TSHZ1: variants seen among roughly 807,000 people sequenced by gnomAD.
TSHZ1 encodes teashirt homolog 1.
A neutral mutation model predicts 67.1 loss-of-function variants in TSHZ1; 12 were observed. That is an observed-to-expected ratio of 0.18 (90% CI 0.11 to 0.29). The LOEUF (loss-of-function observed/expected upper bound fraction) is 0.29. Ranked by LOEUF, TSHZ1 falls within the 10% of genes least tolerant of loss-of-function variation. The pLI is 1.00. For synonymous variants in TSHZ1, 632 were observed against 622.4 expected, an observed-to-expected ratio of 1.02 and a Z score of -0.23; for missense variants, 1,305 against 1,413.9, an observed-to-expected ratio of 0.92 and a Z score of 1.23.
chr18:75,224,831 T>C (rs1490084579), intron 1 of TSHZ1, among the ~76,000 whole-genome samples: 1 of 152,154 alleles, frequency 6.6e-6, no homozygotes, highest in African/African-American at 2.4e-5. Flanking sequence ...TTTTCCCTGT[T>C]CTTTCTCAAG....
At chr18:75,237,441 G>C (rs2023088083) in intron 1 of TSHZ1, among the ~76,000 whole-genome samples, 1 of 152,116 alleles carries the variant, frequency 6.6e-6, no homozygotes, top group African/African-American at 2.4e-5. Flanking sequence ...AGGATCACTT[G>C]AGCCCATAAA....
At chr18:75,256,808 C>T (rs2023366582) in intron 1 of TSHZ1, among the ~76,000 whole-genome samples, 2 of 152,330 alleles carry the variant, frequency 1.3e-5, no homozygotes, top group South Asian at 4.1e-4. Flanking sequence ...GATACCAAAA[C>T]ATCTCGATGA....
chr18:75,221,451 G>A (rs1481785216), intron 1 of TSHZ1, among the ~76,000 whole-genome samples: 1 of 152,186 alleles, frequency 6.6e-6, no homozygotes, highest in African/African-American at 2.4e-5. Flanking sequence ...ATTTTTAAAA[G>A]CCAGCTGCAA....
At chr18:75,212,631 A>G (rs1219808970) in intron 1 of TSHZ1, among the ~76,000 whole-genome samples, 6 of 152,172 alleles carry the variant, frequency 3.9e-5, no homozygotes, top group African/African-American at 1.4e-4. Context: ...TTCCTGATAA[A>G]CATCAATAAA....
rs1042645109 is a variant in TSHZ1, at chr18:75,287,535, G to A, written c.2128G>A (p.Val710Ile). ...GKAKKEGPLD[V>I]HTPNGTEPLK... ...GGCCAAAAAGGAGGGACCGCTGGAC[G>A]TTCACACCCCAAATGGCACAGAGCC... The change falls in exon 2 of 2, where the codon GTT becomes ATT. Residue 710 changes from valine (V) to isoleucine (I), a missense_variant. Val to Ile is a conservative substitution (Grantham distance 29). Coordinates refer to ENST00000580243, the MANE Select transcript of TSHZ1 (RefSeq NM_001308210.2). This position sits in a 1 kb window ranked among gnomAD's most constrained non-coding sequence, Gnocchi z 5.0. 2.5e-5 allele frequency: 40 copies of A among 1,614,104 alleles called. No homozygotes were observed. The highest frequency in any genetic ancestry group is 6.7e-5 in the East Asian group (3 of 44,896).
At position 75,288,127 on chromosome 18, in the gene TSHZ1, G is replaced by C; in HGVS notation, c.2720G>C (p.Ser907Thr). The C allele has an allele frequency of 6.2e-7, 1 of 1,613,904 alleles. No homozygotes were observed. The highest frequency in any genetic ancestry group is 8.5e-7 in the Non-Finnish European group (1 of 1,180,038). ...LLILQAQFASSLRETTEGKYI... is the reference protein window; with the variant it reads ...LLILQAQFASTLRETTEGKYI... ...ATCCTGCAGGCCCAGTTCGCCTCGAGCTTGCGGGAGACCACAGAGGGCAAG... is the reference window on the plus strand; with the variant it reads ...ATCCTGCAGGCCCAGTTCGCCTCGACCTTGCGGGAGACCACAGAGGGCAAG... Residue 907 changes from serine (S) to threonine (T), a missense_variant, in exon 2 of 2, where the codon AGC becomes ACC. By Grantham distance (58) the Ser-to-Thr change is moderately conservative. This residue lies in a region of TSHZ1 where 909 missense variants were observed against 961.8 expected (regional missense o/e 0.95). Transcript: ENST00000580243. This position sits in a 1 kb window ranked among gnomAD's most constrained non-coding sequence, Gnocchi z 4.9.
At position 75,241,868 on chromosome 18, in the gene TSHZ1, C is replaced by T. The variant is rs567955564; in HGVS notation, c.40+29952C>T. Among the ~76,000 whole-genome samples, 205 of 149,376 alleles carry T rather than the reference C, an allele frequency of 1.4e-3. 1 individual carries two copies. The highest frequency in any genetic ancestry group is 4.6e-3 in the African/African-American group (186 of 40,280). On this transcript the variant is annotated intron_variant, in intron 1 of 1. Transcript: ENST00000580243. ...TGTCCTTGGCTTGTGGTGCATCACA[C>T]CAGTCTCTGCCTTCTCCGTGTGTCC...
intron 1 of TSHZ1, among the ~76,000 whole-genome samples, chr18:75,256,503 C>T (rs1310049746): frequency 6.6e-6 from 1 of 152,150 alleles, no homozygotes; most frequent in African/African-American, 2.4e-5. Context: ...TGGATAGTTC[C>T]ACCTTCTCCT....
chr18:75,233,810 C>T (rs1181337543), intron 1 of TSHZ1, among the ~76,000 whole-genome samples: 4 of 152,170 alleles, frequency 2.6e-5, no homozygotes, highest in African/African-American at 4.8e-5. Context: ...CCTTGCAGCA[C>T]CTTTTTTCTA....
At chr18:75,274,649 G>A (rs2023595866) in intron 1 of TSHZ1, among the ~76,000 whole-genome samples, 1 of 152,108 alleles carries the variant, frequency 6.6e-6, no homozygotes, top group South Asian at 2.1e-4. Flanking sequence ...TGAAAACAAA[G>A]GATTGTCACA....
Position 75,286,938 on chromosome 18 carries a change from G to A in TSHZ1, c.1531G>A (p.Gly511Ser). The change falls in exon 2 of 2, where the codon GGC becomes AGC. Residue 511 changes from glycine to serine, a missense_variant. Around this residue, in one of 3 missense-constraint regions of TSHZ1, gnomAD observed 909 missense variants for 961.8 expected, o/e 0.95. Transcript: ENST00000580243. This position sits in a 1 kb window ranked among gnomAD's most constrained non-coding sequence, Gnocchi z 5.1. ...EPEKEKPPVA[G>S]DAEKIKEESE... ...AGAGAAGGAGAAGCCGCCTGTGGCT[G>A]GCGACGCGGAGAAGATCAAGGAGGA... 1 of 1,614,162 alleles carries A rather than the reference G, an allele frequency of 6.2e-7. No individual in the cohort carries two copies. Among genetic ancestry groups the A allele is most frequent in the Non-Finnish European group, 8.5e-7 (1 of 1,180,020 alleles).
At chr18:75,217,338 A>G (rs569966155) in intron 1 of TSHZ1, among the ~76,000 whole-genome samples, 42 of 152,202 alleles carry the variant, frequency 2.8e-4, no homozygotes, top group Non-Finnish European at 5.1e-4. Flanking sequence ...GGGATTCTGA[A>G]TCGAATAATA....
intron 1 of TSHZ1, among the ~76,000 whole-genome samples, chr18:75,256,422 A>G (rs962858983): frequency 2.6e-5 from 4 of 152,212 alleles, no homozygotes; most frequent in Admixed American, 6.5e-5. Context: ...AGGGGTGTGT[A>G]TAGTTATTCT....
Position 75,281,831 on chromosome 18 carries a change from C to T in TSHZ1, c.41-3617C>T, listed in dbSNP as rs1703997035. Among the ~76,000 whole-genome samples the T allele has an allele frequency of 1.3e-5, 2 of 152,182 alleles. No individual in the cohort carries two copies. Among genetic ancestry groups the T allele is most frequent in the African/African-American group, 4.8e-5 (2 of 41,518 alleles). On this transcript the variant is annotated intron_variant, in intron 1 of 1. Transcript: ENST00000580243. This position sits in a 1 kb window ranked among gnomAD's most constrained non-coding sequence, Gnocchi z 5.3. Reference sequence around the variant, plus strand: ...GGAAGGGGGGCATGCTAGGTGCGGGCAGGGAGAGCCCGAACCTGTGGGGGC... The same window carrying T: ...GGAAGGGGGGCATGCTAGGTGCGGGTAGGGAGAGCCCGAACCTGTGGGGGC...
At chr18:75,273,933 ACACT>A (rs1165444947) in intron 1 of TSHZ1, among the ~76,000 whole-genome samples, 10 of 152,198 alleles carry the variant, frequency 6.6e-5, no homozygotes, top group Admixed American at 2.0e-4. Flanking sequence ...TCACCTGCAC[ACACT>A]CACACCTGTG....
At chr18:75,278,795 CTATTATTATTTG>C (rs890591212) in intron 1 of TSHZ1, among the ~76,000 whole-genome samples, 1 of 152,038 alleles carries the variant, frequency 6.6e-6, no homozygotes, top group African/African-American at 2.4e-5. Context: ...GCTCCAGTTA[CTATTATTATTTG>C]TATTATTATT....
intron 1 of TSHZ1, among the ~76,000 whole-genome samples, chr18:75,251,493 GTT>G (rs3067027): frequency 0.016 from 2,226 of 139,414 alleles, 58 homozygotes; most frequent in African/African-American, 0.054. Context: ...TTTCTTTAGG[GTT>G]TTTTTTTTTT....
Position 75,211,544 on chromosome 18 carries a change from C to T in TSHZ1, c.-333C>T, listed in dbSNP as rs1304116702. 2 of 143,678 alleles carry T rather than the reference C, an allele frequency of 1.4e-5. No individual in the cohort carries two copies. Among genetic ancestry groups the T allele is most frequent in the African/African-American group, 5.0e-5 (2 of 40,092 alleles). The allele number at this position is 143,678 out of a possible 1,614,324, so 8.9% of individuals were successfully genotyped here. On this transcript the variant is annotated 5_prime_UTR_variant, in exon 1 of 2. Coordinates refer to ENST00000580243, the MANE Select transcript of TSHZ1 (RefSeq NM_001308210.2). ...GGAGGCGGCAGCATGGAGCGCGGGC[C>T]GCGGGCCGGCCCGCCGAGCGCCCGC... is the stretch of plus-strand genomic sequence containing the variant.
intron 1 of TSHZ1, among the ~76,000 whole-genome samples, chr18:75,224,441 AG>A (rs2022893870): frequency 6.6e-6 from 1 of 152,232 alleles, no homozygotes; most frequent in African/African-American, 2.4e-5. Flanking sequence ...ATAAAGTAAA[AG>A]TATAAACCTT....
Sources: gnomAD v4.1 joint callset for allele counts (sites outside exome capture counted in the v4.1 genomes callset) on GRCh38, gnomAD v4.1.1 for gene constraint, gnomAD v4.1.1 regional missense constraint, Gnocchi (gnomAD v3.1) non-coding constraint, MANE v1.5 for transcripts, NCBI Gene and HGNC (gene_info 2026-07-23, HGNC 2026-07-21) for gene names.